Variants in ZNF385D observed in about 807,000 individuals in gnomAD.
ZNF385D encodes zinc finger protein 385D.
In ZNF385D, 15 loss-of-function variants were observed where a neutral mutation model predicts 35.8. The observed-to-expected ratio is 0.42, with a 90% CI of 0.28 to 0.64. ZNF385D has a LOEUF of 0.64. Among genes scored for constraint, ZNF385D ranks in the 30% least tolerant of loss-of-function variants. The pLI, the probability that ZNF385D is intolerant of heterozygous loss-of-function variation, is 0.23. For synonymous variants in ZNF385D, 212 were observed against 186.8 expected (o/e 1.13, Z -1.10); for missense variants, 474 against 494.6 (o/e 0.96, Z 0.39).
chr3:21,952,315 C>T (rs938867512), intron 3 of ZNF385D, among the ~76,000 whole-genome samples: 2 of 151,876 alleles, frequency 1.3e-5, no homozygotes, highest in Non-Finnish European at 2.9e-5. Context: ...TACTCTCTAA[C>T]GTGACATTTT....
rs958513013 is a variant in ZNF385D at position 21,858,488 on chromosome 3, A to T, written c.326-193460T>A. On this transcript the variant is annotated intron_variant, in intron 3 of 5. Transcript: ENST00000494108. ...AAGGTTAATTAGCTCATGAGAGTAGAGTCCTCATGAATGGATTAGTGTCCT... is the reference window on the plus strand; with the variant it reads ...AAGGTTAATTAGCTCATGAGAGTAGTGTCCTCATGAATGGATTAGTGTCCT... 3.3e-4 allele frequency among the ~76,000 whole-genome samples: 50 copies of T among 152,170 alleles called. 1 individual carries two copies. The highest frequency in any genetic ancestry group is 1.0e-4 in the Non-Finnish European group (7 of 67,982).
chr3:21,532,486 G>C (rs572167066), intron 3 of ZNF385D, among the ~76,000 whole-genome samples: 8 of 152,054 alleles, frequency 5.3e-5, no homozygotes, highest in Non-Finnish European at 1.2e-4. Context: ...CTGATAATTA[G>C]ATTTCAAGAT....
intron 3 of ZNF385D, among the ~76,000 whole-genome samples, chr3:21,993,936 A>G (rs1695306465): frequency 6.6e-6 from 1 of 152,128 alleles, no homozygotes; most frequent in South Asian, 2.1e-4. Flanking sequence ...TGTCCCCTCA[A>G]TTAAGTTACT....
At chr3:21,866,990 C>G (rs1171034950) in intron 3 of ZNF385D, among the ~76,000 whole-genome samples, 1 of 152,064 alleles carries the variant, frequency 6.6e-6, no homozygotes, top group Non-Finnish European at 1.5e-5. Context: ...TGCTACATAA[C>G]AGAACACCTG....
intron 3 of ZNF385D, among the ~76,000 whole-genome samples, chr3:22,129,816 AT>A (rs1703668025): frequency 1.3e-5 from 2 of 152,010 alleles, no homozygotes; most frequent in Non-Finnish European, 2.9e-5. Context: ...GTGGTGCTTT[AT>A]TTTACTGTGG....
chr3:22,342,133 CG>C (rs1695450569), intron 2 of ZNF385D, among the ~76,000 whole-genome samples: 1 of 151,768 alleles, frequency 6.6e-6, no homozygotes, highest in Admixed American at 6.6e-5. Context: ...AAAAATTAGC[CG>C]GGCATGGTGG....
chr3:22,167,062 C>G (rs1449398896), intron 3 of ZNF385D, among the ~76,000 whole-genome samples: 1 of 152,192 alleles, frequency 6.6e-6, no homozygotes. Context: ...AGACAAATGC[C>G]TAGGCAGATA....
At position 21,576,577 on chromosome 3, in the gene ZNF385D, G is replaced by A. The variant is rs1382707779; in HGVS notation, c.166-11893C>T. On this transcript the variant is annotated intron_variant, in intron 2 of 7. Coordinates refer to ENST00000281523, the MANE Select transcript of ZNF385D (RefSeq NM_024697.3). The stretch of plus-strand genomic sequence containing the variant: ...TACGTAATTGTTACCAACGCAATTT[G>A]TCAGTTAAGCCCTGGGCACAATTTT... Among the ~76,000 whole-genome samples the A allele has an allele frequency of 2.0e-5, 3 of 152,266 alleles. No homozygotes were observed. In the East Asian group the frequency reaches 5.8e-4, roughly 29 times the overall value.
intron 2 of ZNF385D, among the ~76,000 whole-genome samples, chr3:22,279,743 A>C (rs1356698363): frequency 6.6e-6 from 1 of 151,782 alleles, no homozygotes; most frequent in Admixed American, 6.6e-5. Context: ...GCTGCTATAA[A>C]TATGCGTGTG....
intron 2 of ZNF385D, among the ~76,000 whole-genome samples, chr3:22,187,076 T>C (rs573443230): frequency 3.9e-5 from 6 of 152,234 alleles, no homozygotes; most frequent in African/African-American, 1.4e-4. Context: ...CATACCAGAT[T>C]ATAACAAACG....
intron 1 of ZNF385D, among the ~76,000 whole-genome samples, chr3:21,691,074 T>C (rs538229884): frequency 1.3e-5 from 2 of 152,086 alleles, no homozygotes; most frequent in Non-Finnish European, 1.5e-5. Context: ...TTCTTTCCGC[T>C]CTAGCCTGGA....
chr3:21,745,839 T>A (rs1303053788), intron 1 of ZNF385D, among the ~76,000 whole-genome samples: 3 of 152,208 alleles, frequency 2.0e-5, no homozygotes, highest in Admixed American at 1.3e-4. Context: ...TTGAAAATGA[T>A]CCTTATGACT....
chr3:21,525,684 C>CAA (rs11308733), intron 3 of ZNF385D, among the ~76,000 whole-genome samples: 46 of 88,334 alleles, frequency 5.2e-4, no homozygotes, highest in Non-Finnish European at 6.2e-4. Context: ...AATTCCATCT[C>CAA]AAAAAAAAAA....
intron 3 of ZNF385D, among the ~76,000 whole-genome samples, chr3:21,944,100 A>G (rs1165251996): frequency 6.6e-6 from 1 of 152,210 alleles, no homozygotes; most frequent in African/African-American, 2.4e-5. Flanking sequence ...AAGTAAAAGG[A>G]TAGTTTTTTA....
intron 3 of ZNF385D, among the ~76,000 whole-genome samples, chr3:22,158,679 T>TACACACACACACAC: frequency 6.7e-6 from 1 of 149,918 alleles, no homozygotes; most frequent in African/African-American, 2.5e-5. Context: ...CACACACACA[T>TACACACACACACAC]ACACACACAC....
intron 3 of ZNF385D, among the ~76,000 whole-genome samples, chr3:22,157,648 A>C (rs964696678): frequency 6.6e-6 from 1 of 152,092 alleles, no homozygotes; most frequent in African/African-American, 2.4e-5. Context: ...TGATTAGTTC[A>C]CATATTCTCT....
intron 7 of ZNF385D, 76 bp from the exon 8 acceptor site, chr3:21,421,523 C>A (rs1296503832): frequency 1.3e-5 from 13 of 1,035,236 alleles, no homozygotes; most frequent in Non-Finnish European, 7.0e-6. Flanking sequence ...TGGCAGGGAG[C>A]TTTTAAAATA....
intron 3 of ZNF385D, among the ~76,000 whole-genome samples, chr3:21,543,846 G>A (rs2062274889): frequency 6.6e-6 from 1 of 152,164 alleles, no homozygotes; most frequent in Non-Finnish European, 1.5e-5. Flanking sequence ...AAGCCTCCAT[G>A]TTGTTTTACA....
At chr3:21,883,702 G>A (rs548721009) in intron 3 of ZNF385D, among the ~76,000 whole-genome samples, 6 of 152,174 alleles carry the variant, frequency 3.9e-5, no homozygotes, top group Middle Eastern at 3.4e-3. Flanking sequence ...ATTCACTACA[G>A]AAAGGAAAGT....
Sources: gnomAD v4.1 joint callset for allele counts (sites outside exome capture counted in the v4.1 genomes callset) on GRCh38, gnomAD v4.1.1 for gene constraint, MANE v1.5 for transcripts, NCBI Gene and HGNC (gene_info 2026-07-23, HGNC 2026-07-21) for gene names.